The following FTO variants were observed in gnomAD, a reference collection of about 807,000 sequenced individuals.
FTO encodes the protein FTO alpha-ketoglutarate dependent dioxygenase.
Under a neutral mutation model 63.9 loss-of-function variants are expected in FTO, and 47 were observed. The ratio of observed to expected loss-of-function variants is 0.74; its 90% CI spans 0.58 to 0.94. The LOEUF (loss-of-function observed/expected upper bound fraction) is 0.94. FTO is among the 40% of genes least tolerant of loss of function. The pLI is 0.00. For missense variants in FTO, 562 were observed against 618.1 expected, an observed-to-expected ratio of 0.91 and a Z score of 0.96; for synonymous variants, 207 against 224.4, an observed-to-expected ratio of 0.92 and a Z score of 0.69.
intron 8 of FTO, among the ~76,000 whole-genome samples, chr16:54,063,117 G>A (rs191332873): frequency 6.6e-6 from 1 of 152,158 alleles, no homozygotes; most frequent in African/African-American, 2.4e-5. Context: ...GTGTCTTTTT[G>A]TTGGTAAGTT....
At chr16:53,739,389 T>C (rs2076475595) in intron 1 of FTO, among the ~76,000 whole-genome samples, 1 of 145,998 alleles carries the variant, frequency 6.8e-6, no homozygotes, top group African/African-American at 2.5e-5. Context: ...TTTTTTTTTC[T>C]ATTTTTAGTA....
intron 8 of FTO, among the ~76,000 whole-genome samples, chr16:54,091,880 G>A (rs1485222818): frequency 6.6e-6 from 1 of 152,230 alleles, no homozygotes; most frequent in Non-Finnish European, 1.5e-5. Context: ...ATAGCAACCT[G>A]ATGGGGTTAC....
chr16:53,873,482 GTATAAGTATA>G (rs1360747472), intron 4 of FTO, among the ~76,000 whole-genome samples: 2 of 149,036 alleles, frequency 1.3e-5, no homozygotes, highest in Non-Finnish European at 3.0e-5. Flanking sequence ...ACTTGCATAT[GTATAAGTATA>G]TATAAGTATA....
chr16:53,988,087 A>C, intron 8 of FTO, among the ~76,000 whole-genome samples: 1 of 152,296 alleles, frequency 6.6e-6, no homozygotes, highest in South Asian at 2.1e-4. Flanking sequence ...AGACAAAGTC[A>C]TTTATCTTAT....
In FTO at chr16:53,822,411, C is replaced by T. The variant is rs540142060; in HGVS notation, c.124-3453C>T. Among the ~76,000 whole-genome samples, 4 of 152,286 alleles carry T rather than the reference C, an allele frequency of 2.6e-5. No individual in the cohort carries two copies. The East Asian group carries it at 7.7e-4, about 29-fold the overall frequency. ...ATCAGTAGATAAGCACATACAGTGACATCCTAGAAAGTGTTTAACAAGTGG... is the reference window on the plus strand; with the variant it reads ...ATCAGTAGATAAGCACATACAGTGATATCCTAGAAAGTGTTTAACAAGTGG... On this transcript the variant is annotated intron_variant, in intron 2 of 8. Coordinates refer to ENST00000471389, the MANE Select transcript of FTO (RefSeq NM_001080432.3).
At chr16:54,030,624 C>T (rs1288394702) in intron 8 of FTO, among the ~76,000 whole-genome samples, 1 of 151,560 alleles carries the variant, frequency 6.6e-6, no homozygotes, top group Non-Finnish European at 1.5e-5. Context: ...TAGTCAAAAC[C>T]AGACCAACCA....
chr16:53,937,482 A>G (rs2082416318), intron 8 of FTO: 1 of 386,162 alleles, frequency 2.6e-6, no homozygotes, highest in South Asian at 1.4e-4. Context: ...CTTAGGGTCT[A>G]CTGTAGGAAA....
At chr16:53,864,597 C>A (rs2080258126) in intron 4 of FTO, among the ~76,000 whole-genome samples, 1 of 152,180 alleles carries the variant, frequency 6.6e-6, no homozygotes, top group South Asian at 2.1e-4. Context: ...GTGAGAGCGT[C>A]TTTTCTTTTT....
intron 8 of FTO, among the ~76,000 whole-genome samples, chr16:54,077,588 G>A (rs1397719891): frequency 6.6e-6 from 1 of 152,160 alleles, no homozygotes; most frequent in Admixed American, 6.6e-5. Context: ...ACGGGCAGCG[G>A]TAGGACAATG....
intron 7 of FTO, among the ~76,000 whole-genome samples, chr16:53,918,716 A>G (rs2081940996): frequency 6.6e-6 from 1 of 152,170 alleles, no homozygotes; most frequent in Non-Finnish European, 1.5e-5. Context: ...GTAAGCTCCT[A>G]GTGGCCAGGT....
chr16:53,963,870 A>C (rs1175261578), intron 8 of FTO, among the ~76,000 whole-genome samples: 1 of 152,092 alleles, frequency 6.6e-6, no homozygotes, highest in Non-Finnish European at 1.5e-5. Context: ...CTCCTGCCTC[A>C]GCCTCCCAAG....
At chr16:53,971,260 C>CT (rs1401292054) in intron 8 of FTO, among the ~76,000 whole-genome samples, 4 of 152,080 alleles carry the variant, frequency 2.6e-5, no homozygotes, top group Admixed American at 1.3e-4. Flanking sequence ...CCGCTTTCTC[C>CT]TTTTTTTGGA....
rs149912554 is a variant in FTO, at chr16:54,107,582, A to G, written c.1365-4180A>G. ...CACACACTACGCTGTATCAACCACA[A>G]CATCTCAGTTTGGAGAGACTATCTG... On this transcript the variant is annotated intron_variant, in intron 8 of 8. Coordinates refer to ENST00000471389, the MANE Select transcript of FTO (RefSeq NM_001080432.3). Among the ~76,000 whole-genome samples the G allele has an allele frequency of 1.0e-3, 157 of 152,344 alleles. 3 individuals are homozygous for G. The East Asian group carries it at 0.024, about 23-fold the overall frequency.
At chr16:53,874,327 A>G (rs1271760438) in intron 5 of FTO, among the ~76,000 whole-genome samples, 2 of 152,194 alleles carry the variant, frequency 1.3e-5, no homozygotes, top group Non-Finnish European at 2.9e-5. Context: ...AGGGTTGCCA[A>G]GGAGTTTCTG....
chr16:54,001,719 T>A (rs2084072986), intron 8 of FTO, among the ~76,000 whole-genome samples: 1 of 152,194 alleles, frequency 6.6e-6, no homozygotes, highest in South Asian at 2.1e-4. Context: ...TCATTGGATT[T>A]TGTGTTTTTG....
Position 54,114,501 on chromosome 16 carries a change from G to A in FTO, c.*2586G>A, listed in dbSNP as rs1265137616. On this transcript the variant is annotated 3_prime_UTR_variant, in exon 9 of 9. Transcript: ENST00000471389. ...GCTGTTTTTTTCCTTTTGCATGGATGAGCCAGCTTCACTGTCCTGGGTGGG... is the reference window on the plus strand; with the variant it reads ...GCTGTTTTTTTCCTTTTGCATGGATAAGCCAGCTTCACTGTCCTGGGTGGG... 1 of 152,212 alleles carries A rather than the reference G, an allele frequency of 6.6e-6. No homozygotes were observed. The highest frequency in any genetic ancestry group is 2.4e-5 in the African/African-American group (1 of 41,436). The allele number at this position is 152,212 out of a possible 1,614,324, so 9.4% of individuals were successfully genotyped here.
intron 8 of FTO, among the ~76,000 whole-genome samples, chr16:53,951,437 C>T (rs1240714320): frequency 6.6e-6 from 1 of 152,146 alleles, no homozygotes; most frequent in Non-Finnish European, 1.5e-5. Flanking sequence ...TCTGTCTAAT[C>T]TACAGTGACT....
rs181626406 is a variant in FTO at position 54,001,687 on chromosome 16, G to A, written c.1364+67578G>A. ...CCCTTTCCCCTACTCTCCAAGCATA[G>A]GATAGAGCTCATCTATAAAATTCAT... On this transcript the variant is annotated intron_variant, in intron 8 of 8. Coordinates refer to ENST00000471389, the MANE Select transcript of FTO (RefSeq NM_001080432.3). 2.2e-4 allele frequency among the ~76,000 whole-genome samples: 34 copies of A among 152,276 alleles called. No individual in the cohort carries two copies. The East Asian group carries it at 5.8e-3, about 26-fold the overall frequency.
intron 1 of FTO, among the ~76,000 whole-genome samples, chr16:53,743,661 C>T (rs2076579306): frequency 6.6e-6 from 1 of 150,822 alleles, no homozygotes; most frequent in Non-Finnish European, 1.5e-5. Context: ...CGTGGGAATA[C>T]TTGTGTTACT....
Sources: gnomAD v4.1 joint callset for allele counts (sites outside exome capture counted in the v4.1 genomes callset) on GRCh38, gnomAD v4.1.1 for gene constraint, MANE v1.5 for transcripts, NCBI Gene and HGNC (gene_info 2026-07-23, HGNC 2026-07-21) for gene names.